Variants in GRIA1 observed in about 807,000 individuals in gnomAD.
GRIA1 encodes glutamate ionotropic receptor AMPA type subunit 1, also known as glutamate receptor 1.
A neutral mutation model predicts 99.2 loss-of-function variants in GRIA1; 31 were observed. The observed-to-expected ratio is 0.31, with a 90% CI of 0.23 to 0.42. GRIA1 has a LOEUF of 0.42. Among genes scored for constraint, GRIA1 ranks in the 10% least tolerant of loss-of-function variants. The pLI, the probability that GRIA1 is intolerant of heterozygous loss-of-function variation, is 1.00. For missense variants in GRIA1, 782 were observed against 1,157.5 expected, an observed-to-expected ratio of 0.68 and a Z score of 4.71; for synonymous variants, 438 against 432.4, an observed-to-expected ratio of 1.01 and a Z score of -0.16.
At chr5:153,625,929 AG>A (rs1336729413) in intron 2 of GRIA1, among the ~76,000 whole-genome samples, 1 of 152,200 alleles carries the variant, frequency 6.6e-6, no homozygotes, top group Non-Finnish European at 1.5e-5. Flanking sequence ...GCCACAAACA[AG>A]CACAAGCACA....
intron 2 of GRIA1, among the ~76,000 whole-genome samples, chr5:153,587,220 T>A (rs1339096138): frequency 6.6e-6 from 1 of 152,098 alleles, no homozygotes; most frequent in Non-Finnish European, 1.5e-5. Context: ...GACTGACTTC[T>A]CATAAGATCT....
chr5:153,676,049 G>C lies in GRIA1; in HGVS notation c.862-945G>C, dbSNP rs191730063. On this transcript the variant is annotated intron_variant, in intron 6 of 15. Transcript: ENST00000285900. Reference sequence around the variant, plus strand: ...TTTTTTGTATTTTTTAGTAGAGATGGGGTTTCACCGTGTTAGCCAGGATGG... The same window carrying C: ...TTTTTTGTATTTTTTAGTAGAGATGCGGTTTCACCGTGTTAGCCAGGATGG... 3.0e-3 allele frequency among the ~76,000 whole-genome samples: 454 copies of C among 152,108 alleles called. 4 individuals carry two copies. The highest frequency in any genetic ancestry group is 0.01 in the African/African-American group (423 of 41,500).
At chr5:153,690,611 G>A (rs1294530349) in intron 8 of GRIA1, among the ~76,000 whole-genome samples, 7 of 152,168 alleles carry the variant, frequency 4.6e-5, no homozygotes, top group Admixed American at 3.9e-4. Flanking sequence ...CCCTTCTATA[G>A]GCCACAGGGA....
intron 2 of GRIA1, among the ~76,000 whole-genome samples, chr5:153,574,802 T>C (rs985344045): frequency 4.6e-5 from 7 of 152,138 alleles, no homozygotes; most frequent in Admixed American, 1.3e-4. Context: ...TTCTTTCAGA[T>C]AGGTGACCTT....
At chr5:153,738,785 C>T (rs916093945) in intron 11 of GRIA1, among the ~76,000 whole-genome samples, 3 of 131,122 alleles carry the variant, frequency 2.3e-5, no homozygotes, top group Non-Finnish European at 3.1e-5. Context: ...TGCAATGGTG[C>T]GATCTCGGCT....
chr5:153,689,915 A>T (rs2149501553), intron 8 of GRIA1, among the ~76,000 whole-genome samples: 1 of 152,286 alleles, frequency 6.6e-6, no homozygotes, highest in Middle Eastern at 3.4e-3. Flanking sequence ...CAGCCCTTTG[A>T]GTTGACCCTA....
chr5:153,493,896 C>T lies in GRIA1; in HGVS notation c.83-32C>T, dbSNP rs750994411. ...GAGGAACTAAAACCTGTCTCTAGCC[C>T]ATATACCATGTTGCATTTTCTTTTC... On this transcript the variant is annotated intron_variant, in intron 1 of 15. Transcript: ENST00000285900. The T allele has an allele frequency of 2.5e-6, 4 of 1,612,492 alleles. No homozygotes were observed. The African/African-American group carries it at 5.3e-5, about 22-fold the overall frequency.
chr5:153,738,922 G>A (rs1378503363), intron 11 of GRIA1, among the ~76,000 whole-genome samples: 5 of 151,390 alleles, frequency 3.3e-5, no homozygotes, highest in African/African-American at 1.2e-4. Flanking sequence ...GGGTTTTACC[G>A]TGTTAGCCAG....
At chr5:153,784,745 G>T (rs1341271408) in intron 13 of GRIA1, among the ~76,000 whole-genome samples, 1 of 152,186 alleles carries the variant, frequency 6.6e-6, no homozygotes, top group Non-Finnish European at 1.5e-5. Flanking sequence ...TGGGGTCTGA[G>T]TTGTCTGCCC....
intron 5 of GRIA1, among the ~76,000 whole-genome samples, chr5:153,666,045 T>A (rs1755719684): frequency 6.6e-6 from 1 of 152,182 alleles, no homozygotes; most frequent in South Asian, 2.1e-4. Flanking sequence ...AAAACTCTTT[T>A]CCTGACACTT....
intron 2 of GRIA1, among the ~76,000 whole-genome samples, chr5:153,544,491 G>C (rs1367734113): frequency 6.6e-6 from 1 of 152,038 alleles, no homozygotes; most frequent in Non-Finnish European, 1.5e-5. Flanking sequence ...GCTCCACCAG[G>C]GTCTATAATG....
chr5:153,578,168 A>G lies in GRIA1; in HGVS notation c.221-68760A>G, dbSNP rs1237540585. On this transcript the variant is annotated intron_variant, in intron 2 of 15. Coordinates refer to ENST00000285900, the MANE Select transcript of GRIA1 (RefSeq NM_000827.4). ...TCTGTCAAAAAAAAAAAAAAAAAAA[A>G]AAAAAGAAAGAAAGAAGAAAGAAAG... Among the ~76,000 whole-genome samples, 4 of 121,462 alleles carry G rather than the reference A, an allele frequency of 3.3e-5. No homozygotes were observed. The South Asian group carries it at 1.1e-3, about 32-fold the overall frequency. 79.7% of individuals were successfully genotyped at this position (121,462 alleles called of 152,430 possible). A position where few individuals can be genotyped will look rare whatever the true frequency, so the allele number is the denominator to read the frequency against.
chr5:153,626,936 A>G (rs900417962), intron 2 of GRIA1, among the ~76,000 whole-genome samples: 38 of 152,202 alleles, frequency 2.5e-4, no homozygotes, highest in African/African-American at 8.9e-4. Context: ...TGTCATTTCT[A>G]TAAATTAGCA....
intron 2 of GRIA1, among the ~76,000 whole-genome samples, chr5:153,621,147 TA>T (rs1297315750): frequency 6.6e-6 from 1 of 152,226 alleles, no homozygotes; most frequent in Admixed American, 6.5e-5. Context: ...TGCATATCTA[TA>T]TTGTTTTAGA....
At chr5:153,765,432 G>A (rs956496846) in intron 12 of GRIA1, among the ~76,000 whole-genome samples, 24 of 152,170 alleles carry the variant, frequency 1.6e-4, no homozygotes, top group African/African-American at 5.1e-4. Context: ...AGGACTTCAA[G>A]GAAATGCAAA....
intron 1 of GRIA1, among the ~76,000 whole-genome samples, chr5:153,492,002 T>C (rs1753959107): frequency 6.6e-6 from 1 of 152,212 alleles, no homozygotes; most frequent in Non-Finnish European, 1.5e-5. Context: ...GTGACCAGCA[T>C]GTCAGTGTCG....
intron 2 of GRIA1, among the ~76,000 whole-genome samples, chr5:153,503,095 C>T (rs756298004): frequency 6.6e-6 from 1 of 152,126 alleles, no homozygotes; most frequent in Non-Finnish European, 1.5e-5. Context: ...TTTATTTAAG[C>T]TGTCTCCTTT....
At position 153,493,924 on chromosome 5, in the gene GRIA1, A is replaced by G. The variant is rs775432262; in HGVS notation, c.83-4A>G. On this transcript the variant is annotated splice_polypyrimidine_tract_variant and splice_region_variant and intron_variant, in intron 1 of 15. Coordinates refer to ENST00000285900, the MANE Select transcript of GRIA1 (RefSeq NM_000827.4). ...ATACCATGTTGCATTTTCTTTTCTCATAGGGGGATTATTTCCAAACCAGCA... is the reference window on the plus strand; with the variant it reads ...ATACCATGTTGCATTTTCTTTTCTCGTAGGGGGATTATTTCCAAACCAGCA... 1.9e-6 allele frequency: 3 copies of G among 1,613,820 alleles called. No homozygotes were observed. Among genetic ancestry groups the G allele is most frequent in the African/African-American group, 1.3e-5 (1 of 74,912 alleles).
chr5:153,714,228 G>T (rs150086182), intron 11 of GRIA1, among the ~76,000 whole-genome samples: 1 of 152,250 alleles, frequency 6.6e-6, no homozygotes, highest in East Asian at 1.9e-4. Context: ...CCAAACAAAA[G>T]CATGCCTAGA....
Sources: allele counts gnomAD v4.1 joint callset (sites outside exome capture counted in the v4.1 genomes callset), GRCh38; gene constraint gnomAD v4.1.1; transcripts MANE v1.5; gene names NCBI Gene and HGNC (gene_info 2026-07-23, HGNC 2026-07-21).